C4orf50: variants seen among roughly 807,000 people sequenced by gnomAD.
C4orf50 encodes uncharacterized protein C4orf50.
Under a neutral mutation model 77.2 loss-of-function variants are expected in C4orf50, and 80 were observed. The observed-to-expected ratio is 1.04, with a 90% CI of 0.87 to 1.25. C4orf50 has a LOEUF of 1.25. Among genes scored for constraint, C4orf50 ranks in the 50% most tolerant of loss-of-function variants. The pLI is 0.00. For synonymous variants in C4orf50, 532 were observed against 465.3 expected (o/e 1.14, Z -1.84); for missense variants, 1,257 against 1,152.9 (o/e 1.09, Z -1.31).
chr4:5,949,736 C>T (rs1243121282), intron 7 of C4orf50, among the ~76,000 whole-genome samples: 1 of 152,148 alleles, frequency 6.6e-6, no homozygotes, highest in African/African-American at 2.4e-5. Flanking sequence ...TCTGTAATCC[C>T]AGCACTGTGG....
At chr4:5,989,308 G>T (rs1322087400) in exon 28 of C4orf50, 1 of 1,536,040 alleles carries the variant, frequency 6.5e-7, no homozygotes, top group Non-Finnish European at 8.7e-7. Flanking sequence ...CCAGGGCTCA[G>T]CAGGCCCCTG....
At position 6,008,934 on chromosome 4, in the gene C4orf50, A is replaced by C. The variant is rs1447609382; in HGVS notation, c.427-402T>G. On this transcript the variant is annotated intron_variant, in intron 24 of 33. Coordinates refer to ENST00000531445, the Ensembl canonical transcript of C4orf50. This position sits in a 1 kb window ranked among gnomAD's most constrained non-coding sequence, Gnocchi z 6.0. ...CAGGTGTCCCCACTTCCACCACAGA[A>C]CTGCCCAGAGATCCCCACTTCCTAC... Among the ~76,000 whole-genome samples the C allele has an allele frequency of 6.6e-6, 1 of 152,082 alleles. No individual in the cohort carries two copies. Among genetic ancestry groups the C allele is most frequent in the African/African-American group, 2.4e-5 (1 of 41,404 alleles).
chr4:5,945,212 G>C (rs1718432399), intron 7 of C4orf50, among the ~76,000 whole-genome samples: 1 of 152,182 alleles, frequency 6.6e-6, no homozygotes, highest in Non-Finnish European at 1.5e-5. Flanking sequence ...AGCAGCAGGA[G>C]AGGGTTTCCC....
At chr4:5,989,092 T>C in exon 28 of C4orf50, 1 of 1,536,086 alleles carries the variant, frequency 6.5e-7, no homozygotes. Flanking sequence ...CTGAGAGATG[T>C]CCCCTACCAG....
chr4:5,942,553 T>C (rs1718312746), intron 7 of C4orf50, among the ~76,000 whole-genome samples: 1 of 152,180 alleles, frequency 6.6e-6, no homozygotes, highest in Admixed American at 6.5e-5. Flanking sequence ...TTTACTGAAA[T>C]AATAATAACA....
At chr4:5,969,702 C>G (rs979834173) in intron 31 of C4orf50, among the ~76,000 whole-genome samples, 1 of 152,096 alleles carries the variant, frequency 6.6e-6, no homozygotes, top group African/African-American at 2.4e-5. Flanking sequence ...TCACAAAGCC[C>G]CATAGGGTAC....
At chr4:5,909,883 G>A (rs763227763) in intron 7 of C4orf50, among the ~76,000 whole-genome samples, 27 of 152,132 alleles carry the variant, frequency 1.8e-4, no homozygotes, top group Non-Finnish European at 3.7e-4. Flanking sequence ...TTTTGTACCA[G>A]TACATACTGT....
chr4:5,993,833 A>T (rs375033812), intron 26 of C4orf50, among the ~76,000 whole-genome samples: 8 of 139,048 alleles, frequency 5.8e-5, no homozygotes, highest in African/African-American at 1.1e-4. Context: ...ATAAAATAAA[A>T]AAATAAAAAT....
At position 6,017,507 on chromosome 4, in the gene C4orf50, C is replaced by T. The variant is rs1560607682; in HGVS notation, c.287+638G>A. 6.6e-6 allele frequency among the ~76,000 whole-genome samples: 1 copy of T among 152,204 alleles called. No individual in the cohort carries two copies. Among genetic ancestry groups the T allele is most frequent in the Admixed American group, 6.5e-5 (1 of 15,290 alleles). ...TGTGGAGTTGATATAGTTCTGTTTA[C>T]GTAGAAACACCTATTCATTGTGAGT... On this transcript the variant is annotated intron_variant, in intron 23 of 33. Transcript: ENST00000531445. This position sits in a 1 kb window ranked among gnomAD's most constrained non-coding sequence, Gnocchi z 4.7.
chr4:5,903,631 A>T (rs1716427577), intron 7 of C4orf50: 2 of 152,180 alleles, frequency 1.3e-5, no homozygotes, highest in African/African-American at 2.4e-5. Context: ...GGGTGCCAGC[A>T]GCTGTGGGAC....
chr4:5,962,637 G>T (rs1327833055), intron 33 of C4orf50, among the ~76,000 whole-genome samples: 1 of 152,182 alleles, frequency 6.6e-6, no homozygotes, highest in Admixed American at 6.5e-5. Context: ...GGCCAGCTCC[G>T]GAGCCAGGTG....
chr4:6,005,435 G>A (rs1055628314), intron 25 of C4orf50, among the ~76,000 whole-genome samples: 2 of 151,800 alleles, frequency 1.3e-5, no homozygotes, highest in African/African-American at 4.8e-5. Context: ...CATTGACAAG[G>A]AGCCAGGGAG....
chr4:5,903,125 G>C (rs925950819), intron 7 of C4orf50: 2 of 152,232 alleles, frequency 1.3e-5, no homozygotes, highest in African/African-American at 4.8e-5. Flanking sequence ...AGGAGTGGGG[G>C]CCCTGCAGTC....
chr4:6,003,135 CA>C (rs1162017418), intron 25 of C4orf50, among the ~76,000 whole-genome samples: 2 of 152,196 alleles, frequency 1.3e-5, no homozygotes, highest in African/African-American at 2.4e-5. Flanking sequence ...AAGGCCACTG[CA>C]GTTCTCTGAG....
At chr4:6,014,383 T>C (rs1722606543) in intron 23 of C4orf50, among the ~76,000 whole-genome samples, 1 of 152,224 alleles carries the variant, frequency 6.6e-6, no homozygotes, top group African/African-American at 2.4e-5. Flanking sequence ...ACTCGGTAAG[T>C]GCTTAGCTGT....
exon 28 of C4orf50, chr4:5,990,277 C>T (rs1417480634): frequency 8.3e-7 from 1 of 1,208,200 alleles, no homozygotes; most frequent in African/African-American, 1.6e-5. Context: ...ATTCTCCAAG[C>T]TCAGGTTCTG....
At chr4:5,994,310 C>T (rs577035946) in intron 26 of C4orf50, 37 bp downstream of exon 4, 96 of 399,114 alleles carry the variant, frequency 2.4e-4, no homozygotes, top group African/African-American at 1.5e-3. Context: ...GGGTGCTGCC[C>T]GCGACTCGTC....
At chr4:5,914,667 G>A (rs1716957083) in intron 7 of C4orf50, among the ~76,000 whole-genome samples, 1 of 152,194 alleles carries the variant, frequency 6.6e-6, no homozygotes, top group Admixed American at 6.5e-5. Context: ...CTGAAGAAAT[G>A]TGTGCGATGG....
At chr4:5,955,944 A>C (rs943462232), downstream of C4orf50, among the ~76,000 whole-genome samples, 2 of 152,184 alleles carry the variant, frequency 1.3e-5, no homozygotes, top group African/African-American at 4.8e-5. The surrounding 1 kb of genome is among the most constrained non-coding windows in gnomAD (Gnocchi z 5.1). Context: ...AAACTGCTAC[A>C]ACTTCAAAGA....
Sources: allele counts gnomAD v4.1 joint callset (sites outside exome capture counted in the v4.1 genomes callset), GRCh38; gene constraint gnomAD v4.1.1; non-coding constraint Gnocchi (gnomAD v3.1); transcripts MANE v1.5; gene names NCBI Gene and HGNC (gene_info 2026-07-23, HGNC 2026-07-21).